PDE1B: variants seen among roughly 807,000 people sequenced by gnomAD.
PDE1B encodes the protein dual specificity calcium/calmodulin-dependent 3',5'-cyclic nucleotide phosphodiesterase 1B.
PDE1B carries 13 observed loss-of-function variants against 66.7 expected under a neutral mutation model. That is an observed-to-expected ratio of 0.19 (90% CI 0.13 to 0.31). The LOEUF (loss-of-function observed/expected upper bound fraction) is 0.31. Ranked by LOEUF, PDE1B falls within the 10% of genes least tolerant of loss-of-function variation. PDE1B has a pLI of 1.00. For missense variants in PDE1B, 485 were observed against 682.3 expected (o/e 0.71, Z 3.22); for synonymous variants, 230 against 253.9 (o/e 0.91, Z 0.90).
chr12:54,551,462 G>A (rs1279010578), intron 2 of PDE1B, among the ~76,000 whole-genome samples: 1 of 152,196 alleles, frequency 6.6e-6, no homozygotes, highest in Non-Finnish European at 1.5e-5. Flanking sequence ...GTTGGGAGGA[G>A]CACTGTGTGA....
intron 2 of PDE1B, among the ~76,000 whole-genome samples, chr12:54,562,701 T>C (rs893025478): frequency 6.6e-6 from 1 of 152,094 alleles, no homozygotes; most frequent in African/African-American, 2.4e-5. Context: ...GGCCAGAAAG[T>C]ATGGGGTGTG....
At chr12:54,562,961 C>T (rs571050935) in intron 2 of PDE1B, among the ~76,000 whole-genome samples, 2 of 152,198 alleles carry the variant, frequency 1.3e-5, no homozygotes, top group East Asian at 3.8e-4. Context: ...CGGAGGGAAA[C>T]CTGTGCTTGA....
At position 54,573,643 on chromosome 12, in the gene PDE1B, C is replaced by A; in HGVS notation, c.998C>A (p.Ala333Asp). ...LRALVIEMVL[A>D]TDMSCHFQQV... Reference sequence around the variant, plus strand: ...GCCCTGGTCATTGAGATGGTGTTGGCCACAGACATGTCCTGCCATTTCCAG... The same window carrying A: ...GCCCTGGTCATTGAGATGGTGTTGGACACAGACATGTCCTGCCATTTCCAG... Residue 333 changes from alanine (A) to aspartate (D), a missense_variant, in exon 10 of 16, where the codon GCC (alanine) becomes GAC (aspartate). Coordinates refer to ENST00000243052, the MANE Select transcript of PDE1B (RefSeq NM_000924.4). The surrounding 1 kb of genome is among the most constrained non-coding windows in gnomAD (Gnocchi z 5.2). 6.2e-7 allele frequency: 1 copy of A among 1,614,070 alleles called. No individual in the cohort carries two copies.
intron 6 of PDE1B, 168 bp from the exon 7 acceptor site, chr12:54,572,433 C>T: frequency 3.0e-6 from 2 of 673,416 alleles, no homozygotes; most frequent in Non-Finnish European, 5.4e-6. Flanking sequence ...CAAGGTTGCA[C>T]AGCCAGCAGG....
chr12:54,567,507 AT>A (rs146377090), intron 3 of PDE1B, among the ~76,000 whole-genome samples: 115,922 of 145,858 alleles, frequency 0.79, 45,973 homozygotes, highest in East Asian at 0.99. Context: ...CTGTCTCAAA[AT>A]AAATAAATAA....
intron 2 of PDE1B, among the ~76,000 whole-genome samples, chr12:54,564,181 C>G (rs189491723): frequency 7.2e-5 from 11 of 152,164 alleles, no homozygotes; most frequent in African/African-American, 2.6e-4. Context: ...TCAAATAACA[C>G]CCCCCACACC....
In PDE1B at chr12:54,549,764, C is replaced by A; in HGVS notation, c.-22C>A. 1 of 836,534 alleles carries A rather than the reference C, an allele frequency of 1.2e-6. No individual in the cohort carries two copies. The highest frequency in any genetic ancestry group is 1.9e-6 in the Non-Finnish European group (1 of 518,474). The allele number at this position is 836,534 out of a possible 1,614,324, so 51.8% of individuals were successfully genotyped here. A position where few individuals can be genotyped will look rare whatever the true frequency, so the allele number is the denominator to read the frequency against. ...AGACACCGGCCTGGCTGGTCCACGC[C>A]AGCCGCAGGTGGGAAGGGCCTGGGA... On this transcript the variant is annotated 5_prime_UTR_variant, in exon 1 of 16. Transcript: ENST00000243052.
intron 6 of PDE1B, chr12:54,571,204 G>A (rs1957610099): frequency 2.6e-5 from 4 of 152,226 alleles, no homozygotes; most frequent in Admixed American, 2.0e-4. Context: ...CACTTCACTA[G>A]AACAAATTAT....
At chr12:54,553,525 TCA>T (rs1266757010) in intron 2 of PDE1B, among the ~76,000 whole-genome samples, 16 of 152,210 alleles carry the variant, frequency 1.1e-4, no homozygotes, top group South Asian at 4.1e-4. Flanking sequence ...CTTTGTTTCA[TCA>T]GAGTCTAGTG....
intron 6 of PDE1B, chr12:54,571,193 C>T (rs1957609732): frequency 1.3e-5 from 2 of 152,264 alleles, no homozygotes; most frequent in Admixed American, 1.3e-4. Context: ...TCCTCTGCCT[C>T]CACTTCACTA....
Position 54,573,344 on chromosome 12 carries a change from T to C in PDE1B, c.837-11T>C. The C allele has an allele frequency of 6.2e-7, 1 of 1,614,140 alleles. No individual in the cohort carries two copies. ...TACAGGGGGTGGTCATGATGACCTTTGGCTTTGTAGGTCAGAATGTGCCAT... is the reference window on the plus strand; with the variant it reads ...TACAGGGGGTGGTCATGATGACCTTCGGCTTTGTAGGTCAGAATGTGCCAT... On this transcript the variant is annotated splice_polypyrimidine_tract_variant and intron_variant, in intron 8 of 15. Coordinates refer to ENST00000243052, the MANE Select transcript of PDE1B (RefSeq NM_000924.4). The surrounding 1 kb of genome is among the most constrained non-coding windows in gnomAD (Gnocchi z 5.2).
At chr12:54,576,347 T>A (rs1490817372) in intron 13 of PDE1B, 1 of 618,260 alleles carries the variant, frequency 1.6e-6, no homozygotes, top group Admixed American at 2.9e-5. Context: ...TTCTGGCTAA[T>A]CTTGTTTTAA....
In PDE1B at chr12:54,564,622, A is replaced by G. The variant is rs114915649; in HGVS notation, c.114-2352A>G. ...GGTGACAAAGTGAGATCCTGTCTCA[A>G]AGTAAAAACAAAACAAACAAACAAA... On this transcript the variant is annotated intron_variant, in intron 2 of 15. Coordinates refer to ENST00000243052, the MANE Select transcript of PDE1B (RefSeq NM_000924.4). Among the ~76,000 whole-genome samples the G allele has an allele frequency of 7.3e-3, 1,107 of 152,114 alleles. 17 individuals are homozygous for G. Among genetic ancestry groups the G allele is most frequent in the African/African-American group, 0.026 (1,056 of 41,386 alleles).
intron 2 of PDE1B, among the ~76,000 whole-genome samples, chr12:54,564,264 C>G (rs1957472847): frequency 6.6e-6 from 1 of 151,354 alleles, no homozygotes; most frequent in Admixed American, 6.6e-5. Flanking sequence ...CAGACCCACT[C>G]AAAGTCCTCA....
chr12:54,558,553 G>C (rs543964212), intron 2 of PDE1B, among the ~76,000 whole-genome samples: 2 of 152,320 alleles, frequency 1.3e-5, no homozygotes, highest in African/African-American at 4.8e-5. Flanking sequence ...GGGAGTGGGG[G>C]AGTGGGAATG....
rs1957730158 is a variant in PDE1B at position 54,575,780 on chromosome 12, G to A, written c.1267+148G>A. 1.4e-6 allele frequency: 1 copy of A among 734,756 alleles called. No individual in the cohort carries two copies. Among genetic ancestry groups the A allele is most frequent in the African/African-American group, 1.7e-5 (1 of 58,056 alleles). The allele number at this position is 734,756 out of a possible 1,614,324, so 45.5% of individuals were successfully genotyped here. On this transcript the variant is annotated intron_variant, in intron 12 of 15. Coordinates refer to ENST00000243052, the MANE Select transcript of PDE1B (RefSeq NM_000924.4). The surrounding 1 kb of genome is among the most constrained non-coding windows in gnomAD (Gnocchi z 4.0). ...GCTAGAGCATGGGGTCCTGGGTTAG[G>A]AGGCCAGGGGGCTGCAATGGCAGGA...
chr12:54,573,369 T>C lies in PDE1B; in HGVS notation c.851T>C (p.Ile284Thr). 2 of 1,614,150 alleles carry C rather than the reference T, an allele frequency of 1.2e-6. No individual in the cohort carries two copies. The highest frequency in any genetic ancestry group is 4.5e-5 in the East Asian group (2 of 44,886). ...FHIQTKSECA[I>T]VYNDRSVLEN... is the part of the protein sequence containing the mutation. ...TGGCTTTGTAGGTCAGAATGTGCCA[T>C]CGTGTACAATGATCGTTCAGTGCTG... The change falls in exon 9 of 16, where the codon ATC (isoleucine) becomes ACC (threonine). Residue 284 changes from isoleucine (I) to threonine (T), a missense_variant. Physicochemically the swap from Ile to Thr is moderately conservative, Grantham distance 89 (BLOSUM62 -1). Transcript: ENST00000243052. The surrounding 1 kb of genome is among the most constrained non-coding windows in gnomAD (Gnocchi z 5.2).
rs150107941 is a variant in PDE1B, at chr12:54,577,292, C to T, written c.1575C>T (p.Ala525=). The change falls in exon 15 of 16, where the codon GCC becomes GCT. Residue 525 remains alanine, a synonymous_variant. Coordinates refer to ENST00000243052, the MANE Select transcript of PDE1B (RefSeq NM_000924.4). Reference sequence around the variant, plus strand: ...AAGAAGAGGCCCCCCCATCCCCTGCCGAAGATGAACACAACCAGAATGGGA... The same window carrying T: ...AAGAAGAGGCCCCCCCATCCCCTGCTGAAGATGAACACAACCAGAATGGGA... ...PCEEEAPPSP[A]EDEHNQNGNL... 7.1e-5 allele frequency: 115 copies of T among 1,613,800 alleles called. No homozygotes were observed. Among genetic ancestry groups the T allele is most frequent in the African/African-American group, 8.0e-5 (6 of 74,836 alleles).
In PDE1B at chr12:54,573,658, G is replaced by A. The variant is rs755094836; in HGVS notation, c.1013G>A (p.Cys338Tyr). 2 of 1,614,010 alleles carry A rather than the reference G, an allele frequency of 1.2e-6. No individual in the cohort carries two copies. Among genetic ancestry groups the A allele is most frequent in the African/African-American group, 2.7e-5 (2 of 74,896 alleles). The change falls in exon 10 of 16, where the codon TGC becomes TAC. Residue 338 changes from cysteine (C) to tyrosine (Y), a missense_variant. Coordinates refer to ENST00000243052, the MANE Select transcript of PDE1B (RefSeq NM_000924.4). The surrounding 1 kb of genome is among the most constrained non-coding windows in gnomAD (Gnocchi z 5.2). ...ATGGTGTTGGCCACAGACATGTCCT[G>A]CCATTTCCAGCAAGTGAAGACCATG... ...IEMVLATDMS[C>Y]HFQQVKTMKT... is the part of the protein sequence containing the mutation.
Sources: gnomAD v4.1 joint callset for allele counts (sites outside exome capture counted in the v4.1 genomes callset) on GRCh38, gnomAD v4.1.1 for gene constraint, Gnocchi (gnomAD v3.1) non-coding constraint, MANE v1.5 for transcripts, NCBI Gene and HGNC (gene_info 2026-07-23, HGNC 2026-07-21) for gene names.